The following CNTNAP2 variants were observed in gnomAD, a reference collection of about 807,000 sequenced individuals.
The protein encoded by CNTNAP2 is contactin associated protein 2, also known as contactin-associated protein-like 2.
CNTNAP2 carries 98 observed loss-of-function variants against 155.2 expected under a neutral mutation model. The observed-to-expected ratio is 0.63, with a 90% CI of 0.54 to 0.75. CNTNAP2 has a LOEUF of 0.75. Ranked by LOEUF, CNTNAP2 falls within the 30% of genes least tolerant of loss-of-function variation. The pLI is 0.00. For missense variants in CNTNAP2, 1,727 were observed against 1,688.1 expected, an observed-to-expected ratio of 1.02 and a Z score of -0.40; for synonymous variants, 651 against 631.2, an observed-to-expected ratio of 1.03 and a Z score of -0.47.
chr7:147,434,245 A>G (rs1797513072), intron 10 of CNTNAP2, among the ~76,000 whole-genome samples: 1 of 151,964 alleles, frequency 6.6e-6, no homozygotes, highest in Non-Finnish European at 1.5e-5. Flanking sequence ...GTACCATTCC[A>G]GTTAATAATT....
intron 2 of CNTNAP2, among the ~76,000 whole-genome samples, chr7:146,790,804 T>C (rs569890010): frequency 2.6e-5 from 4 of 151,858 alleles, no homozygotes; most frequent in African/African-American, 9.7e-5. Flanking sequence ...CTCCTGACCT[T>C]GTGATCCGCC....
At chr7:146,770,522 C>A (rs1802276016) in intron 1 of CNTNAP2, among the ~76,000 whole-genome samples, 1 of 151,826 alleles carries the variant, frequency 6.6e-6, no homozygotes, top group Admixed American at 6.6e-5. Flanking sequence ...ATTGCTGGTG[C>A]TTTACATTCT....
chr7:146,822,107 T>G (rs913030732), intron 2 of CNTNAP2, among the ~76,000 whole-genome samples: 1 of 152,022 alleles, frequency 6.6e-6, no homozygotes, highest in Non-Finnish European at 1.5e-5. Context: ...ATTAAGAAAA[T>G]GTGGCACATA....
intron 2 of CNTNAP2, among the ~76,000 whole-genome samples, chr7:146,793,474 C>A (rs1463060271): frequency 1.3e-5 from 2 of 152,172 alleles, no homozygotes; most frequent in Non-Finnish European, 2.9e-5. Context: ...TGGCATTAAT[C>A]TTTGGGGAGA....
intron 12 of CNTNAP2, among the ~76,000 whole-genome samples, chr7:147,623,174 C>T (rs1295629465): frequency 6.6e-6 from 1 of 151,994 alleles, no homozygotes; most frequent in East Asian, 1.9e-4. Context: ...ATCTGAAAGC[C>T]TTTCCTCGAA....
intron 1 of CNTNAP2, among the ~76,000 whole-genome samples, chr7:146,724,805 G>A (rs149612521): frequency 2.0e-4 from 30 of 152,058 alleles, no homozygotes; most frequent in African/African-American, 7.0e-4. Context: ...TCCTGACCTC[G>A]TGATGCACCT....
intron 13 of CNTNAP2, among the ~76,000 whole-genome samples, chr7:147,774,813 G>A (rs1012893795): frequency 3.9e-5 from 6 of 152,026 alleles, no homozygotes; most frequent in African/African-American, 1.4e-4. Flanking sequence ...GCACCTGAAG[G>A]GGACTAAGAT....
chr7:147,074,164 G>A (rs1207158761), intron 4 of CNTNAP2, among the ~76,000 whole-genome samples: 1 of 152,012 alleles, frequency 6.6e-6, no homozygotes, highest in African/African-American at 2.4e-5. Context: ...CAAAACCAAC[G>A]TGTTTCCCTG....
In CNTNAP2 at chr7:147,421,585, C is replaced by CTG. The variant is rs55983110; in HGVS notation, c.1670+25833_1670+25834dup. On this transcript the variant is annotated intron_variant, in intron 10 of 23. Transcript: ENST00000361727. ...ATATGTCCTGGTATGTCTATCTAAT[C>CTG]TGTGTGTGTGTGTGTGTGTGTGTGT... Among the ~76,000 whole-genome samples, 1,390 of 143,590 alleles carry CTG rather than the reference C, an allele frequency of 9.7e-3. 17 individuals carry two copies. The highest frequency in any genetic ancestry group is 0.024 in the African/African-American group (936 of 38,222). The allele number at this position is 143,590 out of a possible 152,430, so 94.2% of individuals were successfully genotyped here. A position where few individuals can be genotyped will look rare whatever the true frequency, so the allele number is the denominator to read the frequency against.
chr7:147,002,876 A>C (rs1222202584), intron 3 of CNTNAP2, among the ~76,000 whole-genome samples: 2 of 145,208 alleles, frequency 1.4e-5, no homozygotes. Flanking sequence ...ATTATCTTGC[A>C]GGTTAGGGTT....
At chr7:147,054,678 T>G (rs1231382294) in intron 4 of CNTNAP2, among the ~76,000 whole-genome samples, 1 of 152,070 alleles carries the variant, frequency 6.6e-6, no homozygotes, top group Non-Finnish European at 1.5e-5. Context: ...GAGCAAATAT[T>G]TAAGATGGCA....
At chr7:147,371,915 A>G (rs1563179494) in intron 9 of CNTNAP2, among the ~76,000 whole-genome samples, 1 of 152,140 alleles carries the variant, frequency 6.6e-6, no homozygotes, top group Non-Finnish European at 1.5e-5. Flanking sequence ...GTATGTTGTA[A>G]TGTTCAGAAA....
At chr7:148,160,998 G>A (rs1192513524) in intron 17 of CNTNAP2, among the ~76,000 whole-genome samples, 2 of 152,072 alleles carry the variant, frequency 1.3e-5, no homozygotes, top group African/African-American at 2.4e-5. Flanking sequence ...TTCATGGAAG[G>A]TTTCTTGACC....
chr7:148,333,156 G>A lies in CNTNAP2; in HGVS notation c.3476-50493G>A, dbSNP rs111744649. Among the ~76,000 whole-genome samples, 1,019 of 152,218 alleles carry A rather than the reference G, an allele frequency of 6.7e-3. 8 individuals are homozygous for A. The highest frequency in any genetic ancestry group is 0.023 in the African/African-American group (965 of 41,538). On this transcript the variant is annotated intron_variant, in intron 21 of 23. Coordinates refer to ENST00000361727, the MANE Select transcript of CNTNAP2 (RefSeq NM_014141.6). The stretch of plus-strand genomic sequence containing the variant: ...ACACTCATTTTTTCAGGCTGGAAAC[G>A]GTGGCTCACCCCCGTAATCCCAACA...
chr7:148,408,158 A>T (rs10238312), intron 22 of CNTNAP2, among the ~76,000 whole-genome samples: 87,390 of 151,870 alleles, frequency 0.58, 25,834 homozygotes, highest in African/African-American at 0.66. Flanking sequence ...GGCAGGAGAA[A>T]CACCTGAGCC....
chr7:148,172,954 C>G (rs907439345), intron 18 of CNTNAP2, among the ~76,000 whole-genome samples: 33 of 152,196 alleles, frequency 2.2e-4, no homozygotes, highest in African/African-American at 7.7e-4. Context: ...GAAAGCTCCT[C>G]TGGTCAGTCA....
chr7:147,044,063 C>G lies in CNTNAP2; in HGVS notation c.550+9C>G. On this transcript the variant is annotated intron_variant, in intron 4 of 23. Coordinates refer to ENST00000361727, the MANE Select transcript of CNTNAP2 (RefSeq NM_014141.6). ...TTATGGCTGTTCTTACTGTGAGTAT[C>G]GTATTGTTTAAATTTGTGGCAGGTT... 1 of 1,613,882 alleles carries G rather than the reference C, an allele frequency of 6.2e-7. No individual in the cohort carries two copies.
intron 21 of CNTNAP2, among the ~76,000 whole-genome samples, chr7:148,311,928 G>C (rs1390767481): frequency 6.6e-6 from 1 of 152,188 alleles, no homozygotes; most frequent in Non-Finnish European, 1.5e-5. Context: ...TGTGAGGCCG[G>C]ATTGAAGTCT....
intron 1 of CNTNAP2, among the ~76,000 whole-genome samples, chr7:146,747,393 A>G (rs1344398836): frequency 6.6e-6 from 1 of 152,178 alleles, no homozygotes; most frequent in African/African-American, 2.4e-5. Context: ...CTCTGTGTAC[A>G]TGTGCTTTAC....
Sources: gnomAD v4.1 joint callset for allele counts (sites outside exome capture counted in the v4.1 genomes callset) on GRCh38, gnomAD v4.1.1 for gene constraint, MANE v1.5 for transcripts, NCBI Gene and HGNC (gene_info 2026-07-23, HGNC 2026-07-21) for gene names.